Variants in DOK6 observed in about 807,000 individuals in gnomAD.
The protein encoded by DOK6 is downstream of tyrosine kinase 6.
A neutral mutation model predicts 44.0 loss-of-function variants in DOK6; 22 were observed. The ratio of observed to expected loss-of-function variants is 0.50; its 90% CI spans 0.36 to 0.71. The LOEUF (loss-of-function observed/expected upper bound fraction) is 0.71, where lower values mean the gene tolerates loss of function less well. DOK6 is among the 30% of genes least tolerant of loss of function. The pLI is 0.00. For synonymous variants in DOK6, 166 were observed against 145.5 expected, an observed-to-expected ratio of 1.14 and a Z score of -1.01; for missense variants, 340 against 416.4, an observed-to-expected ratio of 0.82 and a Z score of 1.60.
chr18:69,817,783 G>A (rs573395852), intron 7 of DOK6, among the ~76,000 whole-genome samples: 41 of 152,200 alleles, frequency 2.7e-4, no homozygotes, highest in African/African-American at 8.2e-4. Context: ...CTCTAACAAC[G>A]GAGTGTAGTC....
At chr18:69,603,081 A>G (rs1983910756) in intron 3 of DOK6, among the ~76,000 whole-genome samples, 1 of 152,194 alleles carries the variant, frequency 6.6e-6, no homozygotes, top group African/African-American at 2.4e-5. Flanking sequence ...CCATTTTTCA[A>G]TGTAGGTGAT....
At chr18:69,450,534 C>T (rs1251127922) in intron 1 of DOK6, among the ~76,000 whole-genome samples, 13 of 135,582 alleles carry the variant, frequency 9.6e-5, no homozygotes, top group African/African-American at 2.8e-4. Flanking sequence ...GGCAGGCCAA[C>T]GTTCAGATTC....
At chr18:69,484,231 A>T (rs964192813) in intron 1 of DOK6, among the ~76,000 whole-genome samples, 8 of 151,354 alleles carry the variant, frequency 5.3e-5, no homozygotes, top group African/African-American at 1.5e-4. Context: ...ATTTTGATTA[A>T]CTGGTTTCTA....
chr18:69,775,521 TTAAG>T (rs1980035502), intron 7 of DOK6, among the ~76,000 whole-genome samples: 2 of 151,814 alleles, frequency 1.3e-5, no homozygotes, highest in Admixed American at 6.6e-5. Context: ...AGTGGGCACA[TTAAG>T]TAAACTACTA....
rs146124356 is a variant in DOK6 at position 69,692,016 on chromosome 18, A to G, written c.410-6388A>G. Among the ~76,000 whole-genome samples the G allele has an allele frequency of 1.2e-4, 18 of 152,316 alleles. No homozygotes were observed. The East Asian group carries it at 2.3e-3, about 20-fold the overall frequency. ...ATTCAAAAGTAAAGAAGAATTTTCA[A>G]TAGTAACTATTTAGAAGGAATTTAC... On this transcript the variant is annotated intron_variant, in intron 4 of 7. Transcript: ENST00000382713.
chr18:69,612,469 A>C lies in DOK6; in HGVS notation c.289+12971A>C, dbSNP rs1453240876. Among the ~76,000 whole-genome samples the C allele has an allele frequency of 2.3e-4, 10 of 43,372 alleles. 2 individuals carry two copies. The highest frequency in any genetic ancestry group is 4.0e-4 in the African/African-American group (4 of 9,878). 28.5% of individuals were successfully genotyped at this position (43,372 alleles called of 152,430 possible). On this transcript the variant is annotated intron_variant, in intron 3 of 7. Transcript: ENST00000382713. The stretch of plus-strand genomic sequence containing the variant: ...CGCATGTGTGCGAGCGTGCATATGT[A>C]TTTCTTGCTCTTTTCTAACATAGAG...
At chr18:69,424,362 A>C (rs1978577910) in intron 1 of DOK6, among the ~76,000 whole-genome samples, 1 of 152,146 alleles carries the variant, frequency 6.6e-6, no homozygotes, top group Non-Finnish European at 1.5e-5. Context: ...ATTTCTCTGC[A>C]CTTTGAACAT....
rs368344554 is a variant in DOK6 at position 69,509,673 on chromosome 18, C to T, written c.67-54814C>T. 2.9e-4 allele frequency among the ~76,000 whole-genome samples: 42 copies of T among 144,806 alleles called. 1 individual carries two copies. The highest frequency in any genetic ancestry group is 1.1e-3 in the African/African-American group (42 of 39,034). 95.0% of individuals were successfully genotyped at this position (144,806 alleles called of 152,430 possible). A position where few individuals can be genotyped will look rare whatever the true frequency, so the allele number is the denominator to read the frequency against. ...AAAAAAAAAAAAAAAACACACAAGTCAGAATATTTGTACTTTCTGTGTCAG... is the reference window on the plus strand; with the variant it reads ...AAAAAAAAAAAAAAAACACACAAGTTAGAATATTTGTACTTTCTGTGTCAG... On this transcript the variant is annotated intron_variant, in intron 1 of 7. Transcript: ENST00000382713.
At chr18:69,451,204 G>T (rs1979455914) in intron 1 of DOK6, among the ~76,000 whole-genome samples, 1 of 147,450 alleles carries the variant, frequency 6.8e-6, no homozygotes, top group Admixed American at 6.9e-5. Flanking sequence ...CAAAATAAAA[G>T]GATGGAGGAA....
intron 6 of DOK6, among the ~76,000 whole-genome samples, chr18:69,743,412 C>T (rs1375496924): frequency 6.6e-6 from 1 of 152,134 alleles, no homozygotes; most frequent in Non-Finnish European, 1.5e-5. Context: ...ATAGAAGCCA[C>T]TCATCAGAAA....
intron 1 of DOK6, among the ~76,000 whole-genome samples, chr18:69,536,281 A>T (rs948183243): frequency 1.3e-5 from 2 of 152,318 alleles, no homozygotes; most frequent in African/African-American, 4.8e-5. Flanking sequence ...GACTTGGTAC[A>T]TATTAAATCC....
At chr18:69,443,180 C>T (rs366095) in intron 1 of DOK6, among the ~76,000 whole-genome samples, 151,246 of 152,316 alleles carry the variant, frequency 0.99, 75,103 homozygotes, top group Middle Eastern at 1. Flanking sequence ...CTGAGCATGA[C>T]GTTCCAGGTT....
At chr18:69,838,524 A>G (rs1459937831) in intron 7 of DOK6, among the ~76,000 whole-genome samples, 1 of 152,136 alleles carries the variant, frequency 6.6e-6, no homozygotes, top group Non-Finnish European at 1.5e-5. Flanking sequence ...GGCGATTACC[A>G]TGACATGGTG....
intron 2 of DOK6, among the ~76,000 whole-genome samples, chr18:69,577,037 T>C (rs1599201692): frequency 2.0e-5 from 3 of 152,172 alleles, no homozygotes; most frequent in African/African-American, 7.2e-5. Flanking sequence ...ATCTCACTTC[T>C]AAATTCCCTG....
intron 1 of DOK6, among the ~76,000 whole-genome samples, chr18:69,472,998 G>A (rs1378804886): frequency 6.6e-6 from 1 of 152,262 alleles, no homozygotes; most frequent in South Asian, 2.1e-4. Flanking sequence ...TTGTTTCATA[G>A]CAGTGCTAAT....
chr18:69,800,351 C>T (rs554705589), intron 7 of DOK6, among the ~76,000 whole-genome samples: 4 of 152,136 alleles, frequency 2.6e-5, no homozygotes, highest in African/African-American at 4.8e-5. Context: ...AATCATCCTG[C>T]GCTTATTTTG....
chr18:69,808,456 A>G (rs1371741160), intron 7 of DOK6, among the ~76,000 whole-genome samples: 1 of 151,858 alleles, frequency 6.6e-6, no homozygotes, highest in Non-Finnish European at 1.5e-5. Flanking sequence ...AACGAGTTAG[A>G]GACAAGAAAA....
intron 2 of DOK6, among the ~76,000 whole-genome samples, chr18:69,575,015 G>A (rs1191181022): frequency 6.6e-6 from 1 of 152,042 alleles, no homozygotes; most frequent in Non-Finnish European, 1.5e-5. Context: ...TGGATACAGT[G>A]TACACCCTTC....
intron 1 of DOK6, among the ~76,000 whole-genome samples, chr18:69,513,556 A>G (rs1388881247): frequency 2.0e-5 from 3 of 152,208 alleles, no homozygotes; most frequent in East Asian, 3.8e-4. Flanking sequence ...AGTGAATTGT[A>G]TTTACCTGTT....
Sources: allele counts gnomAD v4.1 joint callset (sites outside exome capture counted in the v4.1 genomes callset), GRCh38; gene constraint gnomAD v4.1.1; transcripts MANE v1.5; gene names NCBI Gene and HGNC (gene_info 2026-07-23, HGNC 2026-07-21).